Variants in PLAAT5 observed in about 807,000 individuals in gnomAD.
PLAAT5 encodes Ca(2+)-independent N-acyltransferase.
In PLAAT5, 27 loss-of-function variants were observed where a neutral mutation model predicts 27.8. The observed-to-expected ratio is 0.97, with a 90% CI of 0.72 to 1.34. The LOEUF is 1.34. Ranked by LOEUF, PLAAT5 falls within the 40% of genes most tolerant of loss-of-function variation. PLAAT5 has a pLI of 0.00. For synonymous variants in PLAAT5, 125 were observed against 136.1 expected (o/e 0.92, Z 0.57); for missense variants, 368 against 343.8 (o/e 1.07, Z -0.56).
At chr11:63,468,121 A>C (rs1262500605) in intron 4 of PLAAT5, among the ~76,000 whole-genome samples, 1 of 152,174 alleles carries the variant, frequency 6.6e-6, no homozygotes, top group East Asian at 1.9e-4. Context: ...GCCCTCTAGG[A>C]GGTCAGGGAA....
At position 63,468,467 on chromosome 11, in the gene PLAAT5, T is replaced by C; in HGVS notation, c.346-2A>G. On this transcript the variant is annotated splice_acceptor_variant, in intron 3 of 5. Coordinates refer to ENST00000540857, the MANE Select transcript of PLAAT5 (RefSeq NM_001146729.2). LOFTEE classifies it high-confidence loss of function. ...TCCAGGTCTGGGTCTTGGTTTTCCC[T>C]ATAATGGAAAAATAAAAGATAAATG... The C allele has an allele frequency of 1.2e-6, 2 of 1,610,094 alleles. No homozygotes were observed. The highest frequency in any genetic ancestry group is 8.5e-7 in the Non-Finnish European group (1 of 1,176,924).
At position 63,462,464 on chromosome 11, in the gene PLAAT5, T is replaced by C. The variant is rs1036170833; in HGVS notation, c.*1039A>G. ...AAGAAAAGGATGGAGGGTAAAAACA[T>C]TGAAGAGTTTCAGTGAGAGTCTATT... is the stretch of plus-strand genomic sequence containing the variant. On this transcript the variant is annotated 3_prime_UTR_variant, in exon 6 of 6. Coordinates refer to ENST00000540857, the MANE Select transcript of PLAAT5 (RefSeq NM_001146729.2). 22 of 152,182 alleles carry C rather than the reference T, an allele frequency of 1.4e-4. No individual in the cohort carries two copies. The highest frequency in any genetic ancestry group is 3.3e-4 in the Admixed American group (5 of 15,276). The allele number at this position is 152,182 out of a possible 1,614,324, so 9.4% of individuals were successfully genotyped here.
intron 3 of PLAAT5, among the ~76,000 whole-genome samples, chr11:63,478,332 T>A (rs2016201646): frequency 6.6e-6 from 1 of 152,070 alleles, no homozygotes. Context: ...TTTCTTTTTT[T>A]TTTTTTTAGA....
At chr11:63,468,563 T>C (rs1565208496) in intron 3 of PLAAT5, 98 bp from the exon 4 acceptor site, 1 of 853,140 alleles carries the variant, frequency 1.2e-6, no homozygotes. Flanking sequence ...ATCCCCTCAG[T>C]GTGGTTCATC....
chr11:63,489,099 C>T (rs1007627858), intron 2 of PLAAT5, 123 bp from the exon 3 acceptor site: 1 of 587,034 alleles, frequency 1.7e-6, no homozygotes, highest in Non-Finnish European at 3.0e-6. Context: ...GGAACATTTC[C>T]CCCCGTTTGT....
At chr11:63,484,158 A>C (rs2016378963) in intron 3 of PLAAT5, among the ~76,000 whole-genome samples, 2 of 149,570 alleles carry the variant, frequency 1.3e-5, no homozygotes, top group Admixed American at 1.3e-4. Context: ...TGCCAACAAC[A>C]GAAAAAAAAA....
chr11:63,490,800 T>G, intron 1 of PLAAT5, 87 bp downstream of exon 1: 1 of 1,230,692 alleles, frequency 8.1e-7, no homozygotes, highest in Non-Finnish European at 1.1e-6. Context: ...GCCAAATGTC[T>G]TAAGAAAAGG....
chr11:63,471,741 A>G lies in PLAAT5; in HGVS notation c.346-3276T>C, dbSNP rs537001559. On this transcript the variant is annotated intron_variant, in intron 3 of 5. Coordinates refer to ENST00000540857, the MANE Select transcript of PLAAT5 (RefSeq NM_001146729.2). ...TTACCAATTGTACTTTTATGTAATA[A>G]AATGCAGTACATTTTGAAATTCTGA... 2.6e-5 allele frequency among the ~76,000 whole-genome samples: 4 copies of G among 152,362 alleles called. No individual in the cohort carries two copies. The East Asian group carries it at 7.7e-4, about 29-fold the overall frequency.
chr11:63,487,029 T>G (rs1001527900), intron 3 of PLAAT5, among the ~76,000 whole-genome samples: 6 of 152,218 alleles, frequency 3.9e-5, no homozygotes. Context: ...GTGACATCCG[T>G]GTTGTTGCTT....
Position 63,467,762 on chromosome 11 carries a change from T to A in PLAAT5, c.454+595A>T, listed in dbSNP as rs150323683. Among the ~76,000 whole-genome samples, 16 of 152,288 alleles carry A rather than the reference T, an allele frequency of 1.1e-4. No homozygotes were observed. The East Asian group carries it at 2.3e-3, about 22-fold the overall frequency. On this transcript the variant is annotated intron_variant, in intron 4 of 5. Transcript: ENST00000540857. ...ATTTTGCTGTACTCTTCCTCTACTA[T>A]CATCACCTCCTCCCCCATCAAATCT...
intron 3 of PLAAT5, among the ~76,000 whole-genome samples, chr11:63,472,494 C>CA (rs370213284): frequency 4.3e-4 from 66 of 151,892 alleles, no homozygotes; most frequent in African/African-American, 1.5e-3. Context: ...CAATGGTTAT[C>CA]AAAAAAAATA....
chr11:63,463,565 C>A lies in PLAAT5; in HGVS notation c.748G>T (p.Ala250Ser). Residue 250 changes from alanine (A) to serine (S), a missense_variant, in exon 6 of 6, where the codon GCT (alanine) becomes TCT (serine). Ala to Ser is a moderately conservative substitution (Grantham distance 99). Transcript: ENST00000540857. ...VEHALMEGAK[A>S]AGAVISAVVD... ...ACAGCTGAAATAACTGCTCCAGCAG[C>A]CTTCGCTCCTTCCATCAGGGCGTGC... is the stretch of plus-strand genomic sequence containing the variant. 1.2e-6 allele frequency: 2 copies of A among 1,613,818 alleles called. No individual in the cohort carries two copies. Among genetic ancestry groups the A allele is most frequent in the Middle Eastern group, 1.6e-4 (1 of 6,062 alleles).
chr11:63,485,942 C>A (rs1351529971), intron 3 of PLAAT5, among the ~76,000 whole-genome samples: 1 of 151,982 alleles, frequency 6.6e-6, no homozygotes, highest in African/African-American at 2.4e-5. Context: ...AGGAAAAAAA[C>A]AATCCCATCA....
chr11:63,483,445 T>C (rs2016332300), intron 3 of PLAAT5, among the ~76,000 whole-genome samples: 1 of 151,762 alleles, frequency 6.6e-6, no homozygotes, highest in Non-Finnish European at 1.5e-5. Context: ...AGAAATTAAC[T>C]CTGAAAGGAA....
At chr11:63,486,710 G>GTAC (rs2016443121) in intron 3 of PLAAT5, among the ~76,000 whole-genome samples, 1 of 152,162 alleles carries the variant, frequency 6.6e-6, no homozygotes. Flanking sequence ...TGAGTATAGT[G>GTAC]TACACTGCTC....
At position 63,463,509 on chromosome 11, in the gene PLAAT5, A is replaced by C. The variant is rs1265451588; in HGVS notation, c.804T>G (p.Thr268=). 4 of 1,612,522 alleles carry C rather than the reference A, an allele frequency of 2.5e-6. No individual in the cohort carries two copies. The highest frequency in any genetic ancestry group is 1.7e-5 in the Admixed American group (1 of 60,020). ...VVDSIKPKPI[T]A ...GCTGGAGTTTTCATCACCTTCAGGC[A>C]GTTATTGGTTTGGGCTTTATGCTAT... is the stretch of plus-strand genomic sequence containing the variant. The change falls in exon 6 of 6, where the codon ACT becomes ACG. Residue 268 remains threonine, a synonymous_variant. Coordinates refer to ENST00000540857, the MANE Select transcript of PLAAT5 (RefSeq NM_001146729.2).
intron 3 of PLAAT5, among the ~76,000 whole-genome samples, chr11:63,478,072 G>C (rs2016193846): frequency 6.6e-6 from 1 of 152,154 alleles, no homozygotes; most frequent in Non-Finnish European, 1.5e-5. Context: ...CCTATTGCTT[G>C]TCCTAACCAG....
At chr11:63,481,501 G>A (rs914170806) in intron 3 of PLAAT5, among the ~76,000 whole-genome samples, 1 of 152,162 alleles carries the variant, frequency 6.6e-6, no homozygotes, top group African/African-American at 2.4e-5. Context: ...TAGAATAAAT[G>A]TTCATTTCAA....
Position 63,463,365 on chromosome 11 carries a change from G to C in PLAAT5, c.*138C>G, listed in dbSNP as rs142824370. 5.6e-6 allele frequency: 4 copies of C among 711,654 alleles called. No individual in the cohort carries two copies. Among genetic ancestry groups the C allele is most frequent in the Non-Finnish European group, 1.0e-5 (4 of 394,712 alleles). The allele number at this position is 711,654 out of a possible 1,614,324, so 44.1% of individuals were successfully genotyped here. A position where few individuals can be genotyped will look rare whatever the true frequency, so the allele number is the denominator to read the frequency against. Reference sequence around the variant, plus strand: ...TATATATTGGATGTATTTCTGGAAGGGTAATTGGATACATTGTAGATTCTT... The same window carrying C: ...TATATATTGGATGTATTTCTGGAAGCGTAATTGGATACATTGTAGATTCTT... On this transcript the variant is annotated 3_prime_UTR_variant, in exon 6 of 6. Coordinates refer to ENST00000540857, the MANE Select transcript of PLAAT5 (RefSeq NM_001146729.2).
Sources: gnomAD v4.1 joint callset for allele counts (sites outside exome capture counted in the v4.1 genomes callset) on GRCh38, gnomAD v4.1.1 for gene constraint, MANE v1.5 for transcripts, NCBI Gene and HGNC (gene_info 2026-07-23, HGNC 2026-07-21) for gene names.